The following NCKAP5 variants were observed in gnomAD, a reference collection of about 807,000 sequenced individuals.
NCKAP5 encodes nck-associated protein 5.
Under a neutral mutation model 167.0 loss-of-function variants are expected in NCKAP5, and 92 were observed. The ratio of observed to expected loss-of-function variants is 0.55; its 90% CI spans 0.47 to 0.66. The LOEUF is 0.66. Among genes scored for constraint, NCKAP5 ranks in the 30% least tolerant of loss-of-function variants. The pLI is 0.00. For synonymous variants in NCKAP5, 891 were observed against 877.4 expected (o/e 1.02, Z -0.27); for missense variants, 2,378 against 2,315.0 (o/e 1.03, Z -0.56).
intron 3 of NCKAP5, among the ~76,000 whole-genome samples, chr2:133,507,581 C>G (rs1683121905): frequency 6.6e-6 from 1 of 152,112 alleles, no homozygotes; most frequent in Non-Finnish European, 1.5e-5. Flanking sequence ...ACTTTTTGGG[C>G]TTAGAGGGAG....
At chr2:133,425,734 T>C (rs1689753663) in intron 3 of NCKAP5, among the ~76,000 whole-genome samples, 1 of 152,138 alleles carries the variant, frequency 6.6e-6, no homozygotes, top group South Asian at 2.1e-4. Flanking sequence ...ATATTTCAAA[T>C]GGGGAGTCAG....
chr2:132,795,084 G>T (rs976108374), intron 12 of NCKAP5, among the ~76,000 whole-genome samples: 1 of 152,164 alleles, frequency 6.6e-6, no homozygotes, highest in Non-Finnish European at 1.5e-5. Flanking sequence ...CTCTGAAATA[G>T]AAAAGAAATA....
chr2:133,253,871 T>C (rs2088481564), intron 4 of NCKAP5, among the ~76,000 whole-genome samples: 1 of 152,316 alleles, frequency 6.6e-6, no homozygotes, highest in Non-Finnish European at 1.5e-5. Context: ...TCCCCTACAA[T>C]GTGGAGCTCA....
intron 8 of NCKAP5, among the ~76,000 whole-genome samples, chr2:132,892,456 A>G (rs570244261): frequency 9.2e-5 from 14 of 152,312 alleles, no homozygotes; most frequent in East Asian, 5.8e-4. Flanking sequence ...TTTCAGAGAT[A>G]CAAATCTATG....
intron 7 of NCKAP5, among the ~76,000 whole-genome samples, chr2:132,964,941 G>T (rs931768454): frequency 1.3e-5 from 2 of 151,922 alleles, no homozygotes; most frequent in Non-Finnish European, 2.9e-5. Flanking sequence ...TACTTTGAAG[G>T]TTCCAAAAAT....
intron 4 of NCKAP5, among the ~76,000 whole-genome samples, chr2:133,251,752 G>T (rs986656345): frequency 6.6e-6 from 1 of 151,852 alleles, no homozygotes; most frequent in African/African-American, 2.4e-5. Flanking sequence ...CAAATAAAAA[G>T]AAAAAGAAAA....
intron 3 of NCKAP5, among the ~76,000 whole-genome samples, chr2:133,382,428 C>T (rs1686594729): frequency 6.6e-6 from 1 of 152,090 alleles, no homozygotes; most frequent in African/African-American, 2.4e-5. Context: ...CCATTCAATA[C>T]CTTCTCATTG....
At chr2:133,039,442 C>A (rs1177476501) in intron 6 of NCKAP5, among the ~76,000 whole-genome samples, 2 of 152,132 alleles carry the variant, frequency 1.3e-5, no homozygotes, top group East Asian at 3.8e-4. Context: ...CACATCCATG[C>A]AGCTTAAATT....
chr2:132,916,160 T>C (rs934369456), intron 8 of NCKAP5, among the ~76,000 whole-genome samples: 1 of 151,972 alleles, frequency 6.6e-6, no homozygotes, highest in Non-Finnish European at 1.5e-5. Flanking sequence ...CCTCTTTTTT[T>C]TTAACAGCAA....
chr2:132,816,214 C>G (rs1686256153), intron 11 of NCKAP5, among the ~76,000 whole-genome samples: 1 of 152,084 alleles, frequency 6.6e-6, no homozygotes, highest in South Asian at 2.1e-4. Flanking sequence ...TTTTTAGGAT[C>G]TGGGGCACAA....
chr2:132,848,499 C>T (rs1688835187), intron 11 of NCKAP5, among the ~76,000 whole-genome samples: 1 of 152,154 alleles, frequency 6.6e-6, no homozygotes, highest in African/African-American at 2.4e-5. Flanking sequence ...CTTATTGGAA[C>T]ACATCTGTAT....
chr2:132,760,376 T>C (rs1680899783), intron 16 of NCKAP5, among the ~76,000 whole-genome samples: 2 of 152,166 alleles, frequency 1.3e-5, no homozygotes, highest in South Asian at 4.1e-4. Context: ...TCTAGGCCAA[T>C]AATTATTTTG....
chr2:133,283,419 T>A (rs939500642), intron 4 of NCKAP5, among the ~76,000 whole-genome samples: 1 of 152,182 alleles, frequency 6.6e-6, no homozygotes, highest in African/African-American at 2.4e-5. Context: ...ATAGATTCTA[T>A]AGATATAATT....
chr2:132,973,223 G>A (rs1253355476), intron 7 of NCKAP5, among the ~76,000 whole-genome samples: 2 of 152,134 alleles, frequency 1.3e-5, no homozygotes, highest in African/African-American at 4.8e-5. Flanking sequence ...TATGGCAGAG[G>A]GGATAGGCAG....
chr2:133,619,159 G>T, the NCKAP5 span, among the ~76,000 whole-genome samples: 4 of 108,780 alleles, frequency 3.7e-5, no homozygotes, highest in South Asian at 8.0e-4. Context: ...CTGTTGTGGG[G>T]TGGGGGGAGG....
chr2:133,414,142 A>T (rs965827620), intron 3 of NCKAP5, among the ~76,000 whole-genome samples: 5 of 152,236 alleles, frequency 3.3e-5, no homozygotes, highest in South Asian at 2.1e-4. Flanking sequence ...GTCATAACTC[A>T]GGAGCCACAT....
chr2:133,587,242 A>G, the NCKAP5 span, among the ~76,000 whole-genome samples: 2 of 152,136 alleles, frequency 1.3e-5, no homozygotes. Flanking sequence ...CACCACCAAG[A>G]TCGTTCCTCA....
intron 6 of NCKAP5, among the ~76,000 whole-genome samples, chr2:133,012,333 T>C (rs1433019314): frequency 2.0e-5 from 3 of 152,118 alleles, no homozygotes; most frequent in African/African-American, 4.8e-5. Context: ...CTGCAAGCTC[T>C]GCCTCCCAGG....
intron 2 of NCKAP5, among the ~76,000 whole-genome samples, chr2:133,544,121 A>G (rs551667198): frequency 2.6e-5 from 4 of 152,340 alleles, no homozygotes; most frequent in African/African-American, 9.6e-5. Flanking sequence ...TAAAATTGCC[A>G]TGTCTGGAAA....
Sources: gnomAD v4.1 joint callset for allele counts (sites outside exome capture counted in the v4.1 genomes callset) on GRCh38, gnomAD v4.1.1 for gene constraint, MANE v1.5 for transcripts, NCBI Gene and HGNC (gene_info 2026-07-23, HGNC 2026-07-21) for gene names.